The following TMEM212 variants were observed in gnomAD, a reference collection of about 807,000 sequenced individuals.
The protein encoded by TMEM212 is transmembrane protein 212.
A neutral mutation model predicts 20.5 loss-of-function variants in TMEM212; 23 were observed. That is an observed-to-expected ratio of 1.12 (90% CI 0.81 to 1.59). TMEM212 has a LOEUF of 1.59. Among genes scored for constraint, TMEM212 ranks in the 40% most tolerant of loss-of-function variants. The pLI is 0.00. For missense variants in TMEM212, 211 were observed against 215.0 expected (o/e 0.98, Z 0.12); for synonymous variants, 76 against 81.6 (o/e 0.93, Z 0.37).
chr3:171,851,190 C>T (rs543631604), intron 1 of TMEM212, among the ~76,000 whole-genome samples: 11 of 152,312 alleles, frequency 7.2e-5, no homozygotes, highest in South Asian at 6.2e-4. Context: ...ATGATATATG[C>T]GGATTAAGAA....
chr3:171,850,191 C>T (rs901382282), intron 1 of TMEM212, among the ~76,000 whole-genome samples: 1 of 152,180 alleles, frequency 6.6e-6, no homozygotes, highest in South Asian at 2.1e-4. Context: ...TCTCCCATGT[C>T]TGGCGGGGAG....
At position 171,843,543 on chromosome 3, in the gene TMEM212, G is replaced by A. The variant is rs201023048; in HGVS notation, c.159+1G>A. On this transcript the variant is annotated splice_donor_variant, in intron 1 of 4. Transcript: ENST00000334567. LOFTEE classifies it high-confidence loss of function. ...TTGTCCTATCTGGAATGGAGCTTTG[G>A]TATGAAAATAGTTTATTAAATATAT... is the stretch of plus-strand genomic sequence containing the variant. The A allele has an allele frequency of 1.6e-4, 242 of 1,527,190 alleles. 1 individual carries two copies. The African/African-American group carries it at 2.8e-3, about 18-fold the overall frequency. 94.6% of individuals were successfully genotyped at this position (1,527,190 alleles called of 1,614,324 possible). A position where few individuals can be genotyped will look rare whatever the true frequency, so the allele number is the denominator to read the frequency against.
At position 171,856,716 on chromosome 3, in the gene TMEM212, G is replaced by A; in HGVS notation, c.*3+9G>A. ...CTTTTTCACCATAAAAGGTAAAATG[G>A]TCTGGGGATAGAAAAGGCCTGGGAC... is the stretch of plus-strand genomic sequence containing the variant. On this transcript the variant is annotated intron_variant, in intron 4 of 4. Transcript: ENST00000334567. 1 of 674,460 alleles carries A rather than the reference G, an allele frequency of 1.5e-6. No individual in the cohort carries two copies. The highest frequency in any genetic ancestry group is 1.6e-5 in the South Asian group (1 of 61,944). 41.8% of individuals were successfully genotyped at this position (674,460 alleles called of 1,614,324 possible).
In TMEM212 at chr3:171,856,717, T is replaced by A; in HGVS notation, c.*3+10T>A. On this transcript the variant is annotated intron_variant, in intron 4 of 4. Transcript: ENST00000334567. ...TTTTTCACCATAAAAGGTAAAATGG[T>A]CTGGGGATAGAAAAGGCCTGGGACC... The A allele has an allele frequency of 1.5e-6, 1 of 674,302 alleles. No individual in the cohort carries two copies. Among genetic ancestry groups the A allele is most frequent in the Non-Finnish European group, 2.7e-6 (1 of 370,476 alleles). The allele number at this position is 674,302 out of a possible 1,614,324, so 41.8% of individuals were successfully genotyped here. A position where few individuals can be genotyped will look rare whatever the true frequency, so the allele number is the denominator to read the frequency against.
chr3:171,843,360 C>T lies in TMEM212; in HGVS notation c.-24C>T, dbSNP rs1347321318. The T allele has an allele frequency of 6.6e-7, 1 of 1,521,762 alleles. No homozygotes were observed. Among genetic ancestry groups the T allele is most frequent in the African/African-American group, 1.4e-5 (1 of 72,364 alleles). The allele number at this position is 1,521,762 out of a possible 1,614,324, so 94.3% of individuals were successfully genotyped here. A position where few individuals can be genotyped will look rare whatever the true frequency, so the allele number is the denominator to read the frequency against. ...TTTGGTAACAAAACATCTTTGAGAC[C>T]AAGGCCTCAAGCCACCAAGGAAAAT... On this transcript the variant is annotated 5_prime_UTR_variant, in exon 1 of 5. Transcript: ENST00000334567.
intron 1 of TMEM212, among the ~76,000 whole-genome samples, chr3:171,844,345 G>A (rs1263903816): frequency 2.0e-5 from 3 of 152,118 alleles, no homozygotes; most frequent in Non-Finnish European, 2.9e-5. Flanking sequence ...TTCCTGTGAC[G>A]CCTGACACTA....
intron 3 of TMEM212, among the ~76,000 whole-genome samples, 187 bp downstream of exon 3, chr3:171,854,037 A>C (rs1725055385): frequency 6.6e-6 from 1 of 152,122 alleles, no homozygotes. Context: ...AAATATGTTG[A>C]CATTATAACT....
chr3:171,846,609 A>T (rs1724839920), intron 1 of TMEM212, among the ~76,000 whole-genome samples: 1 of 152,220 alleles, frequency 6.6e-6, no homozygotes, highest in African/African-American at 2.4e-5. Context: ...GTTGGTACAG[A>T]ATTTCTTATA....
intron 3 of TMEM212, among the ~76,000 whole-genome samples, chr3:171,856,209 A>G (rs1355634341): frequency 6.6e-6 from 1 of 152,218 alleles, no homozygotes; most frequent in Admixed American, 6.5e-5. Context: ...GAATTGTAAA[A>G]ATAACCACTT....
intron 1 of TMEM212, among the ~76,000 whole-genome samples, chr3:171,849,615 C>T (rs1356020583): frequency 6.6e-6 from 1 of 152,192 alleles, no homozygotes; most frequent in Non-Finnish European, 1.5e-5. Context: ...TAGCACATTG[C>T]TTGTTTGCAG....
At chr3:171,843,675 C>A (rs931621977) in intron 1 of TMEM212, 133 bp downstream of exon 1, 1 of 691,324 alleles carries the variant, frequency 1.4e-6, no homozygotes, top group Non-Finnish European at 2.2e-6. Flanking sequence ...AATCAGAATC[C>A]GCCTTGGAAC....
intron 2 of TMEM212, 90 bp from the exon 3 acceptor site, chr3:171,853,437 C>A: frequency 1.9e-6 from 2 of 1,073,728 alleles, no homozygotes; most frequent in Admixed American, 2.7e-5. Context: ...AGATTCATAG[C>A]CAGCATCTCT....
At chr3:171,844,398 G>A (rs1320358987) in intron 1 of TMEM212, among the ~76,000 whole-genome samples, 3 of 152,106 alleles carry the variant, frequency 2.0e-5, no homozygotes, top group Non-Finnish European at 4.4e-5. Context: ...TTGATCTTAA[G>A]GAATCTTCTA....
At chr3:171,857,943 G>A (rs1478545715) in intron 4 of TMEM212, 118 bp from the exon 5 acceptor site, 5 of 151,866 alleles carry the variant, frequency 3.3e-5, no homozygotes, top group Non-Finnish European at 7.4e-5. Context: ...TGCACCATTG[G>A]TGGGAATATA....
At chr3:171,850,835 C>CTG (rs141008600) in intron 1 of TMEM212, among the ~76,000 whole-genome samples, 12 of 151,532 alleles carry the variant, frequency 7.9e-5, no homozygotes, top group African/African-American at 9.7e-5. Context: ...AAGTGTGTGT[C>CTG]TGTGTGTGTG....
intron 1 of TMEM212, among the ~76,000 whole-genome samples, chr3:171,846,769 T>G (rs967894228): frequency 6.6e-6 from 1 of 152,220 alleles, no homozygotes; most frequent in South Asian, 2.1e-4. Context: ...TATGTTTTTT[T>G]ACTAGTGAGT....
In TMEM212 at chr3:171,853,325, A is replaced by G. The variant is rs892220832; in HGVS notation, c.220-202A>G. ...ATGTATCCCGGTACTTAAAAAGTGA[A>G]AAAAAAAAAAAGAAAATGAATATAC... On this transcript the variant is annotated intron_variant, in intron 2 of 4. Coordinates refer to ENST00000334567, the MANE Select transcript of TMEM212 (RefSeq NM_001164436.2). 7.5e-5 allele frequency among the ~76,000 whole-genome samples: 11 copies of G among 146,900 alleles called. No homozygotes were observed. The East Asian group carries it at 1.4e-3, about 18-fold the overall frequency.
intron 1 of TMEM212, among the ~76,000 whole-genome samples, chr3:171,846,588 C>A (rs963550055): frequency 1.1e-4 from 17 of 152,122 alleles, no homozygotes; most frequent in Admixed American, 2.6e-4. Flanking sequence ...GAATCTCATA[C>A]CCTCCGTTCT....
intron 1 of TMEM212, 76 bp downstream of exon 1, chr3:171,843,618 C>A: frequency 1.6e-6 from 2 of 1,266,726 alleles, no homozygotes; most frequent in Non-Finnish European, 1.1e-6. Context: ...AAGAACATAT[C>A]CTTTTAAATT....
Sources: gnomAD v4.1 joint callset for allele counts (sites outside exome capture counted in the v4.1 genomes callset) on GRCh38, gnomAD v4.1.1 for gene constraint, MANE v1.5 for transcripts, NCBI Gene and HGNC (gene_info 2026-07-23, HGNC 2026-07-21) for gene names.